Variants in FOXN4 observed in about 807,000 individuals in gnomAD.
FOXN4 encodes the protein forkhead box protein N4.
Under a neutral mutation model 45.0 loss-of-function variants are expected in FOXN4, and 12 were observed. That is an observed-to-expected ratio of 0.27 (90% confidence interval 0.17 to 0.43). The LOEUF is 0.43. FOXN4 is among the 20% of genes least tolerant of loss of function. FOXN4 has a pLI of 1.00. For missense variants in FOXN4, 560 were observed against 694.9 expected (o/e 0.81, Z 2.18); for synonymous variants, 297 against 295.0 (o/e 1.01, Z -0.07).
chr12:109,304,296 G>GAAAGA (rs1566005777), intron 2 of FOXN4, among the ~76,000 whole-genome samples: 2 of 31,340 alleles, frequency 6.4e-5, no homozygotes. Context: ...AGAAAGAAAG[G>GAAAGA]AGAAAGAAAG....
chr12:109,295,758 C>A (rs180946447), intron 2 of FOXN4, among the ~76,000 whole-genome samples: 63 of 152,338 alleles, frequency 4.1e-4, no homozygotes, highest in African/African-American at 1.4e-3. Context: ...TGCACTCCAG[C>A]CTGGGCGATA....
intron 2 of FOXN4, among the ~76,000 whole-genome samples, chr12:109,305,248 C>T (rs1437396058): frequency 6.6e-6 from 1 of 152,158 alleles, no homozygotes; most frequent in Non-Finnish European, 1.5e-5. Flanking sequence ...ACCAAATGGG[C>T]CCAAGAGTTC....
rs1251615705 is a variant in FOXN4 at position 109,279,720 on chromosome 12, G to A, written c.1505C>T (p.Ser502Phe). The A allele has an allele frequency of 1.3e-6, 2 of 1,576,324 alleles. No homozygotes were observed. Among genetic ancestry groups the A allele is most frequent in the South Asian group, 1.2e-5 (1 of 85,818 alleles). Residue 502 changes from serine (S) to phenylalanine (F), a missense_variant, in exon 10 of 10, where the codon TCC becomes TTC. Ser to Phe is a radical substitution (Grantham distance 155, BLOSUM62 -2). Transcript: ENST00000299162. ...DSVAASGTSS[S>F]SQYLGAQGNK... is the part of the protein sequence containing the mutation. ...CCCCTGTGCACCCAGGTACTGGGAG[G>A]AGGAGCTGGTGCCCGATGCAGCCAC...
rs997692018 is a variant in FOXN4 at position 109,290,129 on chromosome 12, C to T, written c.232+12G>A. 12 of 1,538,266 alleles carry T rather than the reference C, an allele frequency of 7.8e-6. No individual in the cohort carries two copies. The African/African-American group carries it at 1.5e-4, about 19-fold the overall frequency. ...TCACCCTCCTCCCTGCCTACCTTGT[C>T]CCTGAGCCTACCTGGGTGTGGATGT... On this transcript the variant is annotated intron_variant, in intron 3 of 9. Transcript: ENST00000299162. This position sits in a 1 kb window ranked among gnomAD's most constrained non-coding sequence, Gnocchi z 5.1.
At chr12:109,292,721 C>A (rs113004158) in intron 2 of FOXN4, among the ~76,000 whole-genome samples, 2 of 152,092 alleles carry the variant, frequency 1.3e-5, no homozygotes, top group Non-Finnish European at 2.9e-5. Flanking sequence ...GGGGTCACAC[C>A]GACATGCCCC....
rs559489493 is a variant in FOXN4 at position 109,286,277 on chromosome 12, C to T, written c.693+371G>A. ...ATCTGCAGGATCCTCACTGACCCTG[C>T]CAGCTTGGGATGATTCTCCACCCCT... On this transcript the variant is annotated intron_variant, in intron 7 of 9. Coordinates refer to ENST00000299162, the MANE Select transcript of FOXN4 (RefSeq NM_213596.3). Among the ~76,000 whole-genome samples the T allele has an allele frequency of 3.3e-5, 5 of 152,280 alleles. 1 individual carries two copies. The South Asian group carries it at 1.0e-3, about 32-fold the overall frequency.
chr12:109,304,246 A>AGAAG (rs2047895070), intron 2 of FOXN4, among the ~76,000 whole-genome samples: 6 of 92,040 alleles, frequency 6.5e-5, no homozygotes, highest in Non-Finnish European at 2.2e-5. Context: ...AAAGAAAGAA[A>AGAAG]GAAAGAAAGA....
At chr12:109,308,443 T>C (rs1261274866) in intron 1 of FOXN4, 119 bp from the exon 2 acceptor site, 7 of 628,238 alleles carry the variant, frequency 1.1e-5, no homozygotes, top group Non-Finnish European at 1.8e-5. Context: ...AGAACACTTT[T>C]TTTTTCTTTA....
chr12:109,285,075 C>T (rs1041889765), intron 8 of FOXN4, among the ~76,000 whole-genome samples: 2 of 151,692 alleles, frequency 1.3e-5, no homozygotes, highest in African/African-American at 4.9e-5. Flanking sequence ...ATCTGGGCCT[C>T]ACTGGGGTTG....
Position 109,291,917 on chromosome 12 carries a change from C to T in FOXN4, c.87-1631G>A, listed in dbSNP as rs914443127. Among the ~76,000 whole-genome samples the T allele has an allele frequency of 4.6e-5, 7 of 152,136 alleles. No homozygotes were observed. The highest frequency in any genetic ancestry group is 1.7e-4 in the African/African-American group (7 of 41,432). ...GGTCTCAGTGCAATTGTTTCTGCAG[C>T]CCCCCGGCTGCCACCCCTCCGGCCG... is the stretch of plus-strand genomic sequence containing the variant. On this transcript the variant is annotated intron_variant, in intron 2 of 9. Coordinates refer to ENST00000299162, the MANE Select transcript of FOXN4 (RefSeq NM_213596.3). The surrounding 1 kb of genome is among the most constrained non-coding windows in gnomAD (Gnocchi z 6.6).
In FOXN4 at chr12:109,279,163, C is replaced by T. The variant is rs559491126; in HGVS notation, c.*508G>A. ...TCCAAGAGAGAGGCTCAAGCTTCTC[C>T]GGCTCCATTTCCCGCCCTGGGCCTG... is the stretch of plus-strand genomic sequence containing the variant. On this transcript the variant is annotated 3_prime_UTR_variant, in exon 10 of 10. Coordinates refer to ENST00000299162, the MANE Select transcript of FOXN4 (RefSeq NM_213596.3). 5.6e-5 allele frequency: 10 copies of T among 179,782 alleles called. No individual in the cohort carries two copies. In the South Asian group the frequency reaches 1.1e-3, roughly 19 times the overall value. 11.1% of individuals were successfully genotyped at this position (179,782 alleles called of 1,614,324 possible).
At position 109,304,253 on chromosome 12, in the gene FOXN4, A is replaced by G. The variant is rs181724555; in HGVS notation, c.86+3983T>C. Among the ~76,000 whole-genome samples the G allele has an allele frequency of 4.5e-3, 441 of 98,932 alleles. 8 individuals are homozygous for G. Among genetic ancestry groups the G allele is most frequent in the Non-Finnish European group, 7.4e-3 (362 of 48,660 alleles). The allele number at this position is 98,932 out of a possible 152,430, so 64.9% of individuals were successfully genotyped here. ...AAAGAAAGAAAGAAAGAAAGAAAGA[A>G]AGAAAGAAAGAAAGAAAGAAAGAAA... On this transcript the variant is annotated intron_variant, in intron 2 of 9. Transcript: ENST00000299162.
rs200586219 is a variant in FOXN4, at chr12:109,308,330, G to A, written c.-3-6C>T. On this transcript the variant is annotated splice_region_variant and splice_polypyrimidine_tract_variant and intron_variant, in intron 1 of 9. Transcript: ENST00000299162. ...GTGTCACTTTCTATCATCTCCTTGG[G>A]AAAAGACAAGCAGAAAACAAAGCTC... The A allele has an allele frequency of 1.9e-6, 3 of 1,548,344 alleles. No individual in the cohort carries two copies. In the Admixed American group the frequency reaches 5.9e-5, roughly 30 times the overall value.
rs1387282200 is a variant in FOXN4, at chr12:109,281,615, G to A, written c.1086C>T (p.His362=). ...MTLSLQSVPL[H]HQVQPQAHLA... The stretch of plus-strand genomic sequence containing the variant: ...GATGTGCCTGGGGCTGGACCTGGTG[G>A]TGCAGGGGGACTGACTGCAGGGACA... Residue 362 remains histidine (H), a synonymous_variant, in exon 9 of 10, where the codon CAC becomes CAT. Transcript: ENST00000299162. 1.2e-6 allele frequency: 2 copies of A among 1,609,652 alleles called. No homozygotes were observed. Among genetic ancestry groups the A allele is most frequent in the Non-Finnish European group, 1.7e-6 (2 of 1,178,078 alleles).
intron 2 of FOXN4, among the ~76,000 whole-genome samples, chr12:109,302,788 C>T (rs11831762): frequency 0.093 from 14,221 of 152,198 alleles, 702 homozygotes; most frequent in South Asian, 0.14. Context: ...CCTACCTGCG[C>T]GGCAACTCCG....
Position 109,290,284 on chromosome 12 carries a change from A to C in FOXN4, c.89T>G (p.Leu30Arg). 3.2e-6 allele frequency: 5 copies of C among 1,547,418 alleles called. No individual in the cohort carries two copies. Among genetic ancestry groups the C allele is most frequent in the Non-Finnish European group, 4.4e-6 (5 of 1,144,634 alleles). ...NHHPSPQEYRLLATTSDDDLP... is the reference protein window; with the variant it reads ...NHHPSPQEYRRLATTSDDDLP... ...GTCATCATCGCTGGTGGTGGCTAGA[A>C]GCCTGCAAAGAGGAACAGAGAACTC... Residue 30 changes from leucine (L) to arginine (R), a missense_variant and splice_region_variant, in exon 3 of 10, where the codon CTT (leucine) becomes CGT (arginine). Physicochemically the swap from Leu to Arg is moderately radical, Grantham distance 102. This residue lies in a region of FOXN4 where 142 missense variants were observed against 185.7 expected (regional missense o/e 0.76). Transcript: ENST00000299162. The surrounding 1 kb of genome is among the most constrained non-coding windows in gnomAD (Gnocchi z 5.1).
intron 2 of FOXN4, 143 bp downstream of exon 2, chr12:109,308,092 GA>G (rs2047937657): frequency 1.4e-6 from 1 of 692,094 alleles, no homozygotes; most frequent in African/African-American, 1.8e-5. Flanking sequence ...GACCAACATT[GA>G]AATCAAGACT....
chr12:109,303,999 TGG>T (rs1593788398), intron 2 of FOXN4, among the ~76,000 whole-genome samples: 2 of 151,936 alleles, frequency 1.3e-5, no homozygotes, highest in East Asian at 3.9e-4. Context: ...AAGACCAGCC[TGG>T]ACAATATGGT....
chr12:109,299,346 A>T (rs2047847148), intron 2 of FOXN4, among the ~76,000 whole-genome samples: 1 of 151,876 alleles, frequency 6.6e-6, no homozygotes, highest in South Asian at 2.1e-4. Flanking sequence ...ACGCACACGG[A>T]TGCACACATG....
Sources: allele counts gnomAD v4.1 joint callset (sites outside exome capture counted in the v4.1 genomes callset), GRCh38; gene constraint gnomAD v4.1.1; regional missense constraint gnomAD v4.1.1; non-coding constraint Gnocchi (gnomAD v3.1); transcripts MANE v1.5; gene names NCBI Gene and HGNC (gene_info 2026-07-23, HGNC 2026-07-21).